The following SPATA1 variants were observed in gnomAD, a reference collection of about 807,000 sequenced individuals.
SPATA1 encodes the protein spermatogenesis-associated protein 1.
SPATA1 carries 57 observed loss-of-function variants against 59.6 expected under a neutral mutation model. That is an observed-to-expected ratio of 0.96 (90% CI 0.77 to 1.19). SPATA1 has a LOEUF of 1.19. Ranked by LOEUF, SPATA1 falls within the 50% of genes most tolerant of loss-of-function variation. SPATA1 has a pLI of 0.00. For synonymous variants in SPATA1, 147 were observed against 163.9 expected, an observed-to-expected ratio of 0.90 and a Z score of 0.79; for missense variants, 448 against 480.7, an observed-to-expected ratio of 0.93 and a Z score of 0.64.
chr1:84,534,984 T>C (rs766779439), intron 8 of SPATA1, among the ~76,000 whole-genome samples: 66 of 152,300 alleles, frequency 4.3e-4, no homozygotes, highest in Non-Finnish European at 8.8e-4. Context: ...TTCTCAGTGA[T>C]AATTTTTGTT....
intron 2 of SPATA1, among the ~76,000 whole-genome samples, chr1:84,516,795 T>C (rs971684684): frequency 6.6e-6 from 1 of 152,164 alleles, no homozygotes; most frequent in South Asian, 2.1e-4. Flanking sequence ...CCACCTATTC[T>C]GTACCTACAC....
intron 4 of SPATA1, among the ~76,000 whole-genome samples, chr1:84,523,863 C>G (rs1683119983): frequency 6.6e-6 from 1 of 151,864 alleles, no homozygotes; most frequent in Non-Finnish European, 1.5e-5. Flanking sequence ...GTCATAGAAT[C>G]CCAGATTGGA....
At chr1:84,521,394 CTCTT>C (rs1683020564) in intron 3 of SPATA1, among the ~76,000 whole-genome samples, 1 of 152,178 alleles carries the variant, frequency 6.6e-6, no homozygotes, top group African/African-American at 2.4e-5. Context: ...ACGCATACCT[CTCTT>C]TCTAATCTTC....
At chr1:84,520,653 A>G in exon 3 of SPATA1, 1 of 1,577,476 alleles carries the variant, frequency 6.3e-7, no homozygotes, top group Non-Finnish European at 8.6e-7. Context: ...CCATTTCAAC[A>G]GAAGTTGTTA....
intron 4 of SPATA1, among the ~76,000 whole-genome samples, chr1:84,524,820 C>G (rs1683154098): frequency 6.6e-6 from 1 of 152,120 alleles, no homozygotes; most frequent in Non-Finnish European, 1.5e-5. Flanking sequence ...ACATGTATCA[C>G]CATCCTAAAT....
At position 84,522,289 on chromosome 1, in the gene SPATA1, T is replaced by TCAA. The variant is rs147644752; in HGVS notation, c.144-99_144-97dup. The TCAA allele has an allele frequency of 6.0e-3, 3,545 of 595,498 alleles. 91 individuals are homozygous for TCAA. The highest frequency in any genetic ancestry group is 0.058 in the African/African-American group (2,994 of 51,762). 36.9% of individuals were successfully genotyped at this position (595,498 alleles called of 1,614,324 possible). A position where few individuals can be genotyped will look rare whatever the true frequency, so the allele number is the denominator to read the frequency against. On this transcript the variant is annotated intron_variant, in intron 3 of 12. Transcript: ENST00000490879. Reference sequence around the variant, plus strand: ...GTTAAGCTATATCTGACACATTAAATCAACCTTTGTGTTTGAGATAGCTGA... The same window carrying TCAA: ...GTTAAGCTATATCTGACACATTAAATCAACAACCTTTGTGTTTGAGATAGCTGA...
At chr1:84,544,283 A>ATATCTT (rs1292870976) in exon 9 of SPATA1, 1 of 1,579,196 alleles carries the variant, frequency 6.3e-7, no homozygotes, top group Admixed American at 1.8e-5. Flanking sequence ...AATAACTGAT[A>ATATCTT]TATCTTTATT....
intron 2 of SPATA1, among the ~76,000 whole-genome samples, chr1:84,517,828 G>C (rs1219949355): frequency 1.3e-5 from 2 of 152,000 alleles, no homozygotes; most frequent in East Asian, 3.9e-4. Flanking sequence ...CATTGTCTCA[G>C]ACTGTAATTA....
At chr1:84,564,390 T>A (rs1684650398) in intron 4 of SPATA1, among the ~76,000 whole-genome samples, 1 of 152,238 alleles carries the variant, frequency 6.6e-6, no homozygotes, top group Non-Finnish European at 1.5e-5. Flanking sequence ...AAACATGTTT[T>A]TCCACCAAGA....
At chr1:84,507,161 C>G (rs1411331078) in intron 1 of SPATA1, 2 of 152,114 alleles carry the variant, frequency 1.3e-5, no homozygotes, top group African/African-American at 4.8e-5. Flanking sequence ...TGTCACAGCA[C>G]TAAGGGCAGA....
At chr1:84,519,201 T>C (rs931725084) in intron 2 of SPATA1, among the ~76,000 whole-genome samples, 2 of 152,002 alleles carry the variant, frequency 1.3e-5, no homozygotes, top group African/African-American at 4.8e-5. Context: ...TTTTGAAACT[T>C]GGGACAAAAG....
At chr1:84,510,147 A>G (rs1682473854) in intron 1 of SPATA1, among the ~76,000 whole-genome samples, 1 of 152,196 alleles carries the variant, frequency 6.6e-6, no homozygotes, top group South Asian at 2.1e-4. Flanking sequence ...AGCATGGGCA[A>G]CAGAGAAGCC....
At chr1:84,516,649 G>C (rs966105638) in intron 2 of SPATA1, among the ~76,000 whole-genome samples, 7 of 151,992 alleles carry the variant, frequency 4.6e-5, no homozygotes, top group Non-Finnish European at 1.0e-4. Flanking sequence ...TATGATTGAG[G>C]TTGGTACCCT....
chr1:84,524,220 A>G (rs531585020), intron 4 of SPATA1, among the ~76,000 whole-genome samples: 2 of 152,320 alleles, frequency 1.3e-5, no homozygotes, highest in East Asian at 3.9e-4. Flanking sequence ...AGCAGAGAAA[A>G]TAGGTTAAGC....
At chr1:84,547,174 A>G (rs1325959349) in intron 10 of SPATA1, among the ~76,000 whole-genome samples, 1 of 152,214 alleles carries the variant, frequency 6.6e-6, no homozygotes, top group African/African-American at 2.4e-5. Context: ...GTAATGTTAA[A>G]AAAGCAATTT....
chr1:84,524,966 T>C (rs1488320297), intron 4 of SPATA1, among the ~76,000 whole-genome samples: 1 of 151,662 alleles, frequency 6.6e-6, no homozygotes, highest in Non-Finnish European at 1.5e-5. Context: ...CCTCAGTATT[T>C]GTGTTTTGTT....
downstream of SPATA1, among the ~76,000 whole-genome samples, chr1:84,566,606 G>A (rs187276884): frequency 5.9e-5 from 9 of 152,174 alleles, no homozygotes; most frequent in Non-Finnish European, 1.3e-4. Flanking sequence ...CTTATTTTAC[G>A]GAAATATTCA....
At chr1:84,533,627 CAAAT>C (rs1327523258) in intron 7 of SPATA1, 78 bp from the exon 8 acceptor site, 2 of 1,121,436 alleles carry the variant, frequency 1.8e-6, no homozygotes, top group Non-Finnish European at 2.6e-6. Context: ...TACAGAGCAT[CAAAT>C]AAAATACATA....
exon 10 of SPATA1, chr1:84,545,724 A>G: frequency 1.3e-6 from 2 of 1,535,904 alleles, no homozygotes; most frequent in African/African-American, 1.4e-5. Flanking sequence ...ACGGTTGAAA[A>G]GCTATTTGAA....
Sources: gnomAD v4.1 joint callset for allele counts (sites outside exome capture counted in the v4.1 genomes callset) on GRCh38, gnomAD v4.1.1 for gene constraint, MANE v1.5 for transcripts, NCBI Gene and HGNC (gene_info 2026-07-23, HGNC 2026-07-21) for gene names.